KDM1A: variants seen among roughly 807,000 people sequenced by gnomAD.
The protein encoded by KDM1A is lysine-specific histone demethylase 1A.
A neutral mutation model predicts 109.4 loss-of-function variants in KDM1A; 49 were observed. That is an observed-to-expected ratio of 0.45 (90% CI 0.36 to 0.57). The LOEUF (loss-of-function observed/expected upper bound fraction) is 0.57, where lower values mean the gene tolerates loss of function less well. Ranked by LOEUF, KDM1A falls within the 20% of genes least tolerant of loss-of-function variation. KDM1A has a pLI of 0.00. For synonymous variants in KDM1A, 380 were observed against 415.4 expected (o/e 0.91, Z 1.04); for missense variants, 668 against 1,116.6 (o/e 0.60, Z 5.73).
At chr1:23,043,041 A>G (rs371435629) in intron 2 of KDM1A, among the ~76,000 whole-genome samples, 18 of 152,206 alleles carry the variant, frequency 1.2e-4, no homozygotes, top group African/African-American at 4.3e-4. Context: ...GAGCCACTGC[A>G]CCCGGCTCTA....
At chr1:23,031,960 C>T (rs1450476500) in intron 2 of KDM1A, among the ~76,000 whole-genome samples, 3 of 152,140 alleles carry the variant, frequency 2.0e-5, no homozygotes, top group African/African-American at 4.8e-5. Context: ...TTACTTTACA[C>T]CTCTCGTTAT....
chr1:23,075,461 C>T (rs2124529958), intron 15 of KDM1A, among the ~76,000 whole-genome samples: 1 of 151,694 alleles, frequency 6.6e-6, no homozygotes, highest in East Asian at 1.9e-4. Flanking sequence ...ATCCCAGCTA[C>T]TTGGGAGGCT....
At chr1:23,058,275 T>C (rs746798480) in intron 8 of KDM1A, among the ~76,000 whole-genome samples, 1 of 152,112 alleles carries the variant, frequency 6.6e-6, no homozygotes, top group Non-Finnish European at 1.5e-5. Flanking sequence ...GCTCCCAAAG[T>C]GCTGGAATTA....
intron 5 of KDM1A, 144 bp downstream of exon 5, chr1:23,053,983 T>C: frequency 1.6e-6 from 1 of 613,020 alleles, no homozygotes; most frequent in Middle Eastern, 3.0e-4. Flanking sequence ...AAAATAAGTC[T>C]TATAGAAAAC....
intron 19 of KDM1A, 124 bp downstream of exon 19, chr1:23,081,697 ATAAT>A: frequency 8.6e-7 from 1 of 1,167,604 alleles, no homozygotes; most frequent in Non-Finnish European, 1.2e-6. Context: ...TTTTACATGA[ATAAT>A]TAATGTTTGG....
At chr1:23,053,382 T>C (rs1281887962) in intron 4 of KDM1A, among the ~76,000 whole-genome samples, 1 of 152,150 alleles carries the variant, frequency 6.6e-6, no homozygotes, top group Admixed American at 6.6e-5. Flanking sequence ...GATGATTTTA[T>C]TTATTTTTAT....
chr1:23,040,142 A>G (rs1327069245), intron 2 of KDM1A, among the ~76,000 whole-genome samples: 2 of 152,244 alleles, frequency 1.3e-5, no homozygotes, highest in Non-Finnish European at 2.9e-5. Context: ...TCCTAGATTT[A>G]GAAGTTTCTT....
intron 5 of KDM1A, 89 bp downstream of exon 5, chr1:23,053,928 A>AT (rs1557550864): frequency 1.4e-6 from 1 of 722,686 alleles, no homozygotes; most frequent in Non-Finnish European, 2.5e-6. Context: ...TTGATAATTA[A>AT]TTTTTTCATT....
At chr1:23,076,299 G>T (rs1047374562) in intron 15 of KDM1A, among the ~76,000 whole-genome samples, 6 of 144,774 alleles carry the variant, frequency 4.1e-5, no homozygotes, top group African/African-American at 1.7e-4. Flanking sequence ...ATTCAAAGAA[G>T]TAAGATCATT....
chr1:23,042,730 G>A (rs1338711977), intron 2 of KDM1A, among the ~76,000 whole-genome samples: 1 of 150,482 alleles, frequency 6.6e-6, no homozygotes, highest in African/African-American at 2.5e-5. Flanking sequence ...GGGATTACAG[G>A]CGTGAGCCAC....
intron 3 of KDM1A, among the ~76,000 whole-genome samples, chr1:23,045,021 A>T (rs1472886068): frequency 6.6e-6 from 1 of 152,196 alleles, no homozygotes; most frequent in South Asian, 2.1e-4. Context: ...TTTGTTTCTC[A>T]TGTGAAAAAT....
Position 23,019,628 on chromosome 1 carries a change from C to T in KDM1A, c.32C>T (p.Ala11Val). Reference sequence around the variant, plus strand: ...TCTGGGAAGAAGGCGGCAGCCGCGGCGGCGGCGGCTGCAGCGGCAGCAACC... The same window carrying T: ...TCTGGGAAGAAGGCGGCAGCCGCGGTGGCGGCGGCTGCAGCGGCAGCAACC... Reference protein sequence around the residue: MLSGKKAAAAAAAAAAAATGT... With the variant: MLSGKKAAAAVAAAAAAATGT... The change falls in exon 1 of 21, where the codon GCG (alanine) becomes GTG (valine). Residue 11 changes from alanine (A) to valine (V), a missense_variant. Ala to Val is a moderately conservative substitution (Grantham distance 64, BLOSUM62 0). Transcript: ENST00000400181. 1 of 1,415,500 alleles carries T rather than the reference C, an allele frequency of 7.1e-7. No individual in the cohort carries two copies. The highest frequency in any genetic ancestry group is 1.5e-5 in the South Asian group (1 of 65,122). The allele number at this position is 1,415,500 out of a possible 1,614,324, so 87.7% of individuals were successfully genotyped here. A position where few individuals can be genotyped will look rare whatever the true frequency, so the allele number is the denominator to read the frequency against.
intron 2 of KDM1A, among the ~76,000 whole-genome samples, chr1:23,039,222 G>T (rs555903419): frequency 6.6e-6 from 1 of 152,190 alleles, no homozygotes; most frequent in South Asian, 2.1e-4. Context: ...TTTGTTTGTA[G>T]CATTACTAGT....
chr1:23,075,191 T>C (rs1447766711), intron 15 of KDM1A, among the ~76,000 whole-genome samples: 1 of 152,260 alleles, frequency 6.6e-6, no homozygotes, highest in African/African-American at 2.4e-5. Flanking sequence ...TGAGCAGGGC[T>C]ATACCATCTT....
chr1:23,053,658 T>G, intron 4 of KDM1A, 103 bp from the exon 5 acceptor site: 5 of 768,786 alleles, frequency 6.5e-6, no homozygotes, highest in Middle Eastern at 3.2e-4. Flanking sequence ...ACTGCTGGGA[T>G]TATAGGTGTG....
intron 11 of KDM1A, 148 bp from the exon 12 acceptor site, chr1:23,068,913 A>T (rs1441988275): frequency 1.6e-6 from 1 of 628,762 alleles, no homozygotes; most frequent in Admixed American, 3.5e-5. Flanking sequence ...AACATAGCCT[A>T]GGAAATAATT....
At chr1:23,044,285 G>C (rs754380381) in intron 2 of KDM1A, 142 bp from the exon 3 acceptor site, 1 of 703,228 alleles carries the variant, frequency 1.4e-6, no homozygotes, top group South Asian at 1.7e-5. Context: ...CCTGGGCCTT[G>C]ATTCCAGAAG....
At position 23,079,251 on chromosome 1, in the gene KDM1A, A is replaced by T; in HGVS notation, c.2055+74A>T. ...AGTCTTCGTTGTTTACTTGGTGAGG[A>T]GGTGGCCTTGCATTTTTGGGCATTT... On this transcript the variant is annotated intron_variant, in intron 17 of 20. Coordinates refer to ENST00000400181, the MANE Select transcript of KDM1A (RefSeq NM_001009999.3). The surrounding 1 kb of genome is among the most constrained non-coding windows in gnomAD (Gnocchi z 5.6). The T allele has an allele frequency of 6.7e-7, 1 of 1,493,022 alleles. No individual in the cohort carries two copies. Among genetic ancestry groups the T allele is most frequent in the African/African-American group, 1.4e-5 (1 of 71,796 alleles). The allele number at this position is 1,493,022 out of a possible 1,614,324, so 92.5% of individuals were successfully genotyped here.
intron 4 of KDM1A, among the ~76,000 whole-genome samples, chr1:23,052,517 G>C (rs1229598634): frequency 6.6e-6 from 1 of 152,182 alleles, no homozygotes; most frequent in Non-Finnish European, 1.5e-5. Context: ...GTCTTATAGA[G>C]CAGTCTTTAT....
Sources: allele counts gnomAD v4.1 joint callset (sites outside exome capture counted in the v4.1 genomes callset), GRCh38; gene constraint gnomAD v4.1.1; non-coding constraint Gnocchi (gnomAD v3.1); transcripts MANE v1.5; gene names NCBI Gene and HGNC (gene_info 2026-07-23, HGNC 2026-07-21).